Variants in TNIK observed in about 807,000 individuals in gnomAD.
The protein encoded by TNIK is TRAF2 and NCK-interacting protein kinase.
Under a neutral mutation model 191.3 loss-of-function variants are expected in TNIK, and 49 were observed. The ratio of observed to expected loss-of-function variants is 0.26; its 90% CI spans 0.20 to 0.32. TNIK has a LOEUF of 0.32. TNIK is among the 10% of genes least tolerant of loss of function. The pLI, the probability that TNIK is intolerant of heterozygous loss-of-function variation, is 1.00. For missense variants in TNIK, 1,155 were observed against 1,702.3 expected, an observed-to-expected ratio of 0.68 and a Z score of 5.66; for synonymous variants, 594 against 600.9, an observed-to-expected ratio of 0.99 and a Z score of 0.17.
chr3:171,444,729 A>G (rs1727268855), intron 1 of TNIK, among the ~76,000 whole-genome samples: 2 of 152,180 alleles, frequency 1.3e-5, no homozygotes, highest in Admixed American at 6.5e-5. Flanking sequence ...TTTAACTTCC[A>G]TACTCCTAAG....
rs9814699 is a variant in TNIK at position 171,159,321 on chromosome 3, G to A, written c.1017-1657C>T. On this transcript the variant is annotated intron_variant, in intron 11 of 32. Coordinates refer to ENST00000436636, the MANE Select transcript of TNIK (RefSeq NM_015028.4). This position sits in a 1 kb window ranked among gnomAD's most constrained non-coding sequence, Gnocchi z 4.1. ...TTGGTGGCTGGGTGACGGTGGTAAC[G>A]AGAACAGGAATGAGGAATGCTGAGG... is the stretch of plus-strand genomic sequence containing the variant. 0.55 allele frequency among the ~76,000 whole-genome samples: 82,676 copies of A among 151,440 alleles called. 23,329 individuals carry two copies. Among genetic ancestry groups the A allele is most frequent in the East Asian group, 0.87 (4,445 of 5,096 alleles).
intron 11 of TNIK, 108 bp downstream of exon 11, chr3:171,161,162 A>G: frequency 9.0e-7 from 1 of 1,113,734 alleles, no homozygotes; most frequent in Non-Finnish European, 1.3e-6. Context: ...AAATAAGACC[A>G]CCCTGGTGGA....
intron 1 of TNIK, among the ~76,000 whole-genome samples, chr3:171,391,275 G>A (rs146146472): frequency 2.0e-5 from 3 of 152,318 alleles, no homozygotes; most frequent in African/African-American, 4.8e-5. Flanking sequence ...TGTTTGTACC[G>A]AAGGGGATCA....
intron 20 of TNIK, 118 bp from the exon 21 acceptor site, chr3:171,107,324 G>T (rs541559679): frequency 2.3e-6 from 2 of 873,846 alleles, no homozygotes; most frequent in Non-Finnish European, 1.8e-6. Flanking sequence ...ATACAAAAGG[G>T]CGAAGAGAAT....
At chr3:171,156,773 G>A (rs183146717) in intron 12 of TNIK, among the ~76,000 whole-genome samples, 4 of 152,336 alleles carry the variant, frequency 2.6e-5, no homozygotes, top group Admixed American at 1.3e-4. Flanking sequence ...CCACAGGCTG[G>A]AGGACAGGCC....
At chr3:171,296,554 G>T (rs577648632) in intron 2 of TNIK, among the ~76,000 whole-genome samples, 2 of 152,284 alleles carry the variant, frequency 1.3e-5, no homozygotes, top group Admixed American at 6.5e-5. Context: ...GACTGCCAAG[G>T]TTTCAATCCT....
intron 1 of TNIK, among the ~76,000 whole-genome samples, chr3:171,375,296 A>C (rs1479452971): frequency 1.3e-5 from 2 of 152,198 alleles, no homozygotes; most frequent in Admixed American, 1.3e-4. Context: ...AATATGCCAC[A>C]GTAAAATTCA....
At position 171,247,661 on chromosome 3, in the gene TNIK, G is replaced by A. The variant is rs1198364876; in HGVS notation, c.124-19440C>T. Reference sequence around the variant, plus strand: ...TGAACCCCAAGAAAAAACAACCAGCGGGTGGGAAAAAAGAAAGCAGCAATA... The same window carrying A: ...TGAACCCCAAGAAAAAACAACCAGCAGGTGGGAAAAAAGAAAGCAGCAATA... On this transcript the variant is annotated intron_variant, in intron 2 of 32. Transcript: ENST00000436636. Among the ~76,000 whole-genome samples the A allele has an allele frequency of 3.9e-5, 6 of 152,082 alleles. No homozygotes were observed. The South Asian group carries it at 8.3e-4, about 21-fold the overall frequency.
intron 25 of TNIK, 84 bp from the exon 26 acceptor site, chr3:171,084,409 C>T (rs1466223793): frequency 1.4e-6 from 2 of 1,465,314 alleles, no homozygotes; most frequent in Non-Finnish European, 1.8e-6. Context: ...ATGATTTCTC[C>T]TTGTTTGGTT....
Position 171,446,622 on chromosome 3 carries a change from T to C in TNIK, c.57+13385A>G, listed in dbSNP as rs184738396. On this transcript the variant is annotated intron_variant, in intron 1 of 32. Coordinates refer to ENST00000436636, the MANE Select transcript of TNIK (RefSeq NM_015028.4). ...GGAGCTTTTTACTCTGGTGGTTTCC[T>C]GTTCTATCTTCTATTTTCTCCATTA... is the stretch of plus-strand genomic sequence containing the variant. Among the ~76,000 whole-genome samples the C allele has an allele frequency of 2.6e-4, 40 of 152,316 alleles. No individual in the cohort carries two copies. In the East Asian group the frequency reaches 7.5e-3, roughly 29 times the overall value.
intron 1 of TNIK, among the ~76,000 whole-genome samples, chr3:171,420,036 G>A (rs1723561770): frequency 6.6e-6 from 1 of 152,200 alleles, no homozygotes; most frequent in South Asian, 2.1e-4. Flanking sequence ...TTAGTCAAGG[G>A]AGATACCAGT....
chr3:171,290,597 T>C (rs1751576168), intron 2 of TNIK, among the ~76,000 whole-genome samples: 1 of 152,184 alleles, frequency 6.6e-6, no homozygotes. Context: ...TACTAACATA[T>C]CATGGGCTAC....
chr3:171,258,911 T>C (rs1747236402), intron 2 of TNIK, among the ~76,000 whole-genome samples: 2 of 152,206 alleles, frequency 1.3e-5, no homozygotes, highest in South Asian at 2.1e-4. Context: ...GTCTCTCTCA[T>C]GTACACACAT....
rs1257639293 is a variant in TNIK, at chr3:171,264,111, C to CACATATAT, written c.124-35891_124-35890insATATATGT. The stretch of plus-strand genomic sequence containing the variant: ...ACACACACACACACACACACACACA[C>CACATATAT]ATATATATATATATATATATACACC... On this transcript the variant is annotated intron_variant, in intron 2 of 32. Transcript: ENST00000436636. 1.1e-4 allele frequency among the ~76,000 whole-genome samples: 7 copies of CACATATAT among 61,042 alleles called. No homozygotes were observed. The South Asian group carries it at 1.9e-3, about 17-fold the overall frequency. The allele number at this position is 61,042 out of a possible 152,430, so 40.0% of individuals were successfully genotyped here. A position where few individuals can be genotyped will look rare whatever the true frequency, so the allele number is the denominator to read the frequency against.
chr3:171,446,615 G>A (rs1260796861), intron 1 of TNIK, among the ~76,000 whole-genome samples: 3 of 152,066 alleles, frequency 2.0e-5, no homozygotes, highest in Non-Finnish European at 4.4e-5. Flanking sequence ...TTACTCTGGT[G>A]GTTTCCTGTT....
intron 28 of TNIK, among the ~76,000 whole-genome samples, chr3:171,079,156 TA>T (rs1252980384): frequency 6.6e-6 from 1 of 152,226 alleles, no homozygotes; most frequent in Admixed American, 6.5e-5. Flanking sequence ...CCTGGTATTC[TA>T]GGTCTTTTTC....
intron 1 of TNIK, among the ~76,000 whole-genome samples, chr3:171,414,519 T>C (rs1431813313): frequency 1.3e-5 from 2 of 152,214 alleles, no homozygotes; most frequent in Non-Finnish European, 2.9e-5. Flanking sequence ...ATACACATCC[T>C]TCATCGCATG....
chr3:171,233,600 C>G (rs542666545), intron 2 of TNIK, among the ~76,000 whole-genome samples: 1 of 152,264 alleles, frequency 6.6e-6, no homozygotes, highest in African/African-American at 2.4e-5. Context: ...AGGTCATGCT[C>G]CTTCCTGGAG....
intron 1 of TNIK, among the ~76,000 whole-genome samples, chr3:171,388,475 AT>A (rs1337102226): frequency 6.6e-6 from 1 of 152,200 alleles, no homozygotes; most frequent in Non-Finnish European, 1.5e-5. Flanking sequence ...TCAGTTTAAA[AT>A]TCAGGTCCTG....
Sources: allele counts gnomAD v4.1 joint callset (sites outside exome capture counted in the v4.1 genomes callset), GRCh38; gene constraint gnomAD v4.1.1; non-coding constraint Gnocchi (gnomAD v3.1); transcripts MANE v1.5; gene names NCBI Gene and HGNC (gene_info 2026-07-23, HGNC 2026-07-21).